The following MCTP2 variants were observed in gnomAD, a reference collection of about 807,000 sequenced individuals.
The protein encoded by MCTP2 is multiple C2 and transmembrane domain-containing protein 2.
A neutral mutation model predicts 111.6 loss-of-function variants in MCTP2; 132 were observed. That is an observed-to-expected ratio of 1.18 (90% CI 1.03 to 1.37). MCTP2 has a LOEUF of 1.37. Among genes scored for constraint, MCTP2 ranks in the 40% most tolerant of loss-of-function variants. The pLI, the probability that MCTP2 is intolerant of heterozygous loss-of-function variation, is 0.00. For synonymous variants in MCTP2, 395 were observed against 387.7 expected (o/e 1.02, Z -0.22); for missense variants, 1,183 against 1,067.9 (o/e 1.11, Z -1.50).
intron 19 of MCTP2, among the ~76,000 whole-genome samples, chr15:94,444,006 A>AAAC (rs67260644): frequency 1.4e-5 from 2 of 144,224 alleles, no homozygotes; most frequent in African/African-American, 5.4e-5. Context: ...AAAAAAAAAA[A>AAAC]CAGAAGTATT....
chr15:94,452,273 T>C (rs1190193411), intron 19 of MCTP2, among the ~76,000 whole-genome samples: 2 of 152,226 alleles, frequency 1.3e-5, no homozygotes, highest in Non-Finnish European at 2.9e-5. Context: ...TAGCATCTTG[T>C]TTTAAAAGAG....
At chr15:94,475,803 C>G (rs1311896392) in intron 21 of MCTP2, among the ~76,000 whole-genome samples, 1 of 152,146 alleles carries the variant, frequency 6.6e-6, no homozygotes, top group Non-Finnish European at 1.5e-5. Context: ...AGAGGAACTC[C>G]CCTCTAAAGA....
At chr15:94,407,212 T>C (rs1051002604) in intron 17 of MCTP2, among the ~76,000 whole-genome samples, 1 of 152,204 alleles carries the variant, frequency 6.6e-6, no homozygotes, top group Non-Finnish European at 1.5e-5. Flanking sequence ...GCATTTTTCA[T>C]ATGTTAAAAT....
At chr15:94,274,920 A>G (rs2074108578) in intron 1 of MCTP2, among the ~76,000 whole-genome samples, 1 of 152,206 alleles carries the variant, frequency 6.6e-6, no homozygotes, top group East Asian at 1.9e-4. Context: ...ATAGGTGTAA[A>G]AATCCTAAGA....
chr15:94,367,845 A>G (rs572350318), intron 11 of MCTP2, 54 bp downstream of exon 11: 9 of 1,452,660 alleles, frequency 6.2e-6, no homozygotes, highest in Non-Finnish European at 7.5e-6. Context: ...CTCTTTTAAA[A>G]CAAAGTCTTT....
chr15:94,315,599 T>C lies in MCTP2; in HGVS notation c.599T>C (p.Leu200Pro). The change falls in exon 4 of 23, where the codon CTG (leucine) becomes CCG (proline). Residue 200 changes from leucine (L) to proline (P), a missense_variant. By Grantham distance (98) the Leu-to-Pro change is moderately conservative (BLOSUM62 -3). Transcript: ENST00000357742. ...TTTGCGTACCTCCTCACCATACACCTGAAGGAAGGCCGGAACCTGGTTGTC... is the reference window on the plus strand; with the variant it reads ...TTTGCGTACCTCCTCACCATACACCCGAAGGAAGGCCGGAACCTGGTTGTC... ...SPFAYLLTIH[L>P]KEGRNLVVRD... The C allele has an allele frequency of 6.2e-7, 1 of 1,614,120 alleles. No homozygotes were observed. Among genetic ancestry groups the C allele is most frequent in the East Asian group, 2.2e-5 (1 of 44,872 alleles).
intron 17 of MCTP2, among the ~76,000 whole-genome samples, chr15:94,417,129 A>G (rs75668017): frequency 0.013 from 1,962 of 152,236 alleles, 19 homozygotes; most frequent in Non-Finnish European, 0.022. Flanking sequence ...ATTTGGGTCT[A>G]CACATATAAT....
chr15:94,245,549 T>TATATATGTATACATATATGTATATATAC (rs2071885595), intron 1 of MCTP2, among the ~76,000 whole-genome samples: 1 of 143,718 alleles, frequency 7.0e-6, no homozygotes, highest in Admixed American at 7.1e-5. Context: ...TGTATATATT[T>TATATATGTATACATATATGTATATATAC]ATATATGTAT....
At chr15:94,415,543 A>G (rs575072789) in intron 17 of MCTP2, among the ~76,000 whole-genome samples, 14 of 152,252 alleles carry the variant, frequency 9.2e-5, no homozygotes, top group Admixed American at 3.9e-4. Context: ...TCGCAGTGCC[A>G]TAACACCCCG....
intron 12 of MCTP2, among the ~76,000 whole-genome samples, chr15:94,382,166 G>A (rs1175391475): frequency 6.6e-6 from 1 of 152,252 alleles, no homozygotes; most frequent in African/African-American, 2.4e-5. Context: ...AGTGAATTGT[G>A]AGGGCAATAT....
chr15:94,413,717 A>C (rs975934596), intron 17 of MCTP2, among the ~76,000 whole-genome samples: 1 of 152,116 alleles, frequency 6.6e-6, no homozygotes, highest in African/African-American at 2.4e-5. Flanking sequence ...CTTGAAAGCT[A>C]TTTTATCTAG....
At chr15:94,417,106 A>G (rs1232545139) in intron 17 of MCTP2, among the ~76,000 whole-genome samples, 1 of 152,102 alleles carries the variant, frequency 6.6e-6, no homozygotes, top group Non-Finnish European at 1.5e-5. Context: ...TCCTGGCCTG[A>G]GTGCCACTCC....
intron 20 of MCTP2, among the ~76,000 whole-genome samples, chr15:94,467,765 G>A (rs550252588): frequency 2.6e-5 from 4 of 152,326 alleles, no homozygotes; most frequent in African/African-American, 4.8e-5. Context: ...ACTGGATCCC[G>A]TTGTGGAGTT....
At chr15:94,468,735 A>G (rs1027653635) in intron 20 of MCTP2, among the ~76,000 whole-genome samples, 15 of 152,114 alleles carry the variant, frequency 9.9e-5, no homozygotes, top group Admixed American at 8.5e-4. Flanking sequence ...CCCAGGTTCA[A>G]GTGATTCTCC....
chr15:94,385,647 A>C, intron 14 of MCTP2, 122 bp downstream of exon 14: 1 of 686,190 alleles, frequency 1.5e-6, no homozygotes. Context: ...TATAGCAGGA[A>C]ACGACTGTTT....
intron 1 of MCTP2, among the ~76,000 whole-genome samples, chr15:94,280,601 T>C (rs1012295286): frequency 1.2e-4 from 18 of 152,104 alleles, no homozygotes; most frequent in African/African-American, 4.1e-4. Flanking sequence ...TTTGATTCAG[T>C]TCAACTCCAA....
intron 4 of MCTP2, among the ~76,000 whole-genome samples, chr15:94,322,421 A>G (rs538728664): frequency 1.3e-5 from 2 of 152,270 alleles, no homozygotes; most frequent in Admixed American, 6.5e-5. Flanking sequence ...TGTCTAGAAC[A>G]TGGATTAGTA....
intron 12 of MCTP2, among the ~76,000 whole-genome samples, chr15:94,383,730 C>G (rs554135432): frequency 1.1e-4 from 16 of 152,280 alleles, no homozygotes; most frequent in East Asian, 3.9e-4. Context: ...GTCCTTCCCA[C>G]GACACATGGG....
intron 8 of MCTP2, among the ~76,000 whole-genome samples, chr15:94,354,166 AT>A (rs1268649203): frequency 2.0e-5 from 3 of 152,124 alleles, no homozygotes; most frequent in African/African-American, 7.2e-5. Flanking sequence ...AGAGAAGAGG[AT>A]AGTTCTTTCT....
Sources: gnomAD v4.1 joint callset for allele counts (sites outside exome capture counted in the v4.1 genomes callset) on GRCh38, gnomAD v4.1.1 for gene constraint, MANE v1.5 for transcripts, NCBI Gene and HGNC (gene_info 2026-07-23, HGNC 2026-07-21) for gene names.